PPP1R3E: variants seen among roughly 807,000 people sequenced by gnomAD.
PPP1R3E encodes protein phosphatase 1, regulatory (inhibitor) subunit 3E.
In PPP1R3E, 20 loss-of-function variants were observed where a neutral mutation model predicts 18.5. The observed-to-expected ratio is 1.08, with a 90% CI of 0.76 to 1.58. The LOEUF (loss-of-function observed/expected upper bound fraction) is 1.58, where lower values mean the gene tolerates loss of function less well. Among genes scored for constraint, PPP1R3E ranks in the 40% most tolerant of loss-of-function variants. The pLI, the probability that PPP1R3E is intolerant of heterozygous loss-of-function variation, is 0.00. For missense variants in PPP1R3E, 498 were observed against 460.2 expected (o/e 1.08, Z -0.75); for synonymous variants, 208 against 208.1 (o/e 1.00, Z 0.00).
Position 23,302,482 on chromosome 14 carries a change from G to A in PPP1R3E, c.95C>T (p.Pro32Leu), listed in dbSNP as rs1233248918. Reference sequence around the variant, plus strand: ...CTCCTCCGGCTCCTCCTCGAGGCTGGGCCGCTGGCTACGGTAGTAGGCGCG... The same window carrying A: ...CTCCTCCGGCTCCTCCTCGAGGCTGAGCCGCTGGCTACGGTAGTAGGCGCG... ...TERAYYRSQR[P>L]SLEEEPEEEP... Residue 32 changes from proline to leucine, a missense_variant, in exon 1 of 5, where the codon CCC becomes CTC. By Grantham distance (98) the Pro-to-Leu change is moderately conservative (BLOSUM62 -3). Coordinates refer to ENST00000452015, the MANE Select transcript of PPP1R3E (RefSeq NM_001276318.2). 3.3e-6 allele frequency: 5 copies of A among 1,506,474 alleles called. No homozygotes were observed. The highest frequency in any genetic ancestry group is 4.4e-6 in the Non-Finnish European group (5 of 1,136,388). 93.3% of individuals were successfully genotyped at this position (1,506,474 alleles called of 1,614,324 possible).
At position 23,298,207 on chromosome 14, in the gene PPP1R3E, CCT is replaced by C. The variant is rs1453811187; in HGVS notation, c.*1095_*1096del. On this transcript the variant is annotated 3_prime_UTR_variant, in exon 5 of 5. Coordinates refer to ENST00000452015, the MANE Select transcript of PPP1R3E (RefSeq NM_001276318.2). ...AGTCACAGATGAAGCTCGGGGGCCCCCTGTCTTCTCCAAGCCAGTCCAGGAGA... is the reference window on the plus strand; with the variant it reads ...AGTCACAGATGAAGCTCGGGGGCCCCGTCTTCTCCAAGCCAGTCCAGGAGA... 1 of 152,172 alleles carries C rather than the reference CCT, an allele frequency of 6.6e-6. No homozygotes were observed. The highest frequency in any genetic ancestry group is 1.9e-4 in the East Asian group (1 of 5,200). 9.4% of individuals were successfully genotyped at this position (152,172 alleles called of 1,614,324 possible).
Position 23,301,650 on chromosome 14 carries a change from G to C in PPP1R3E, c.626C>G (p.Ala209Gly), listed in dbSNP as rs1202281015. 16 of 1,318,194 alleles carry C rather than the reference G, an allele frequency of 1.2e-5. No individual in the cohort carries two copies. The East Asian group carries it at 4.4e-4, about 36-fold the overall frequency. 81.7% of individuals were successfully genotyped at this position (1,318,194 alleles called of 1,614,324 possible). Reference protein sequence around the residue: ...RSQREAPAAYAGPAPPPPRAD... With the variant: ...RSQREAPAAYGGPAPPPPRAD... ...GCGCGGCGGGGGCGGGGCCGGACCG[G>C]CGTAGGCGGCTGGCGCCTCGCGTTG... Residue 209 changes from alanine (A) to glycine (G), a missense_variant, in exon 2 of 5, where the codon GCC becomes GGC. Coordinates refer to ENST00000452015, the MANE Select transcript of PPP1R3E (RefSeq NM_001276318.2).
rs915682647 is a variant in PPP1R3E at position 23,302,326 on chromosome 14, G to A, written c.251C>T (p.Thr84Ile). ...GTCGGCGAAACGCACTCTCTTGCGG[G>A]TGTCTGGGCTACGGCTGCGGGGCGC... ...ARAPRSRSPD[T>I]RKRVRFADAL... Residue 84 changes from threonine to isoleucine, a missense_variant, in exon 1 of 5, where the codon ACC becomes ATC. Transcript: ENST00000452015. 1.1e-5 allele frequency: 16 copies of A among 1,513,930 alleles called. No homozygotes were observed. The African/African-American group carries it at 1.4e-4, about 14-fold the overall frequency. The allele number at this position is 1,513,930 out of a possible 1,614,324, so 93.8% of individuals were successfully genotyped here. A position where few individuals can be genotyped will look rare whatever the true frequency, so the allele number is the denominator to read the frequency against.
Position 23,301,831 on chromosome 14 carries a change from T to A in PPP1R3E, c.445A>T (p.Ser149Cys). 6.8e-7 allele frequency: 1 copy of A among 1,469,458 alleles called. No individual in the cohort carries two copies. Among genetic ancestry groups the A allele is most frequent in the Non-Finnish European group, 8.9e-7 (1 of 1,118,946 alleles). 91.0% of individuals were successfully genotyped at this position (1,469,458 alleles called of 1,614,324 possible). A position where few individuals can be genotyped will look rare whatever the true frequency, so the allele number is the denominator to read the frequency against. Reference sequence around the variant, plus strand: ...AAGCGGGCGGCGAAGCCGGGCTCGCTGGCCGGCTCCAGGGCGGCGCGCGCC... The same window carrying A: ...AAGCGGGCGGCGAAGCCGGGCTCGCAGGCCGGCTCCAGGGCGGCGCGCGCC... Reference protein sequence around the residue: ...QEARAALEPASEPGFAARLLT... With the variant: ...QEARAALEPACEPGFAARLLT... The change falls in exon 2 of 5, where the codon AGC becomes TGC. Residue 149 changes from serine to cysteine, a missense_variant. Coordinates refer to ENST00000452015, the MANE Select transcript of PPP1R3E (RefSeq NM_001276318.2).
intron 3 of PPP1R3E, chr14:23,300,446 G>A (rs1886998649): frequency 6.6e-6 from 1 of 152,240 alleles, no homozygotes; most frequent in African/African-American, 2.4e-5. Flanking sequence ...GTTTCCCAAG[G>A]AGAACACTGG....
rs886841327 is a variant in PPP1R3E at position 23,301,598 on chromosome 14, G to T, written c.678C>A (p.Pro226=). The part of the protein sequence containing the change: ...PRADRFAFRL[P]APPIGGALLF... ...GCAGGGCGCCCCCAATCGGCGGCGC[G>T]GGCAGGCGGAAGGCGAAGCGGTCGG... The change falls in exon 2 of 5, where the codon CCC becomes CCA. Residue 226 remains proline, a synonymous_variant. Transcript: ENST00000452015. 6 of 1,438,990 alleles carry T rather than the reference G, an allele frequency of 4.2e-6. No homozygotes were observed. The highest frequency in any genetic ancestry group is 2.9e-5 in the African/African-American group (2 of 68,048). 89.1% of individuals were successfully genotyped at this position (1,438,990 alleles called of 1,614,324 possible). A position where few individuals can be genotyped will look rare whatever the true frequency, so the allele number is the denominator to read the frequency against.
At position 23,298,265 on chromosome 14, in the gene PPP1R3E, G is replaced by C. The variant is rs1886934149; in HGVS notation, c.*1039C>G. 6.6e-6 allele frequency: 1 copy of C among 152,136 alleles called. No individual in the cohort carries two copies. The highest frequency in any genetic ancestry group is 2.4e-5 in the African/African-American group (1 of 41,426). The allele number at this position is 152,136 out of a possible 1,614,324, so 9.4% of individuals were successfully genotyped here. Reference sequence around the variant, plus strand: ...AGGATGGGAAGGCAGAGCACAGTCAGAAACTATGATCATTTCCTAATAAGA... The same window carrying C: ...AGGATGGGAAGGCAGAGCACAGTCACAAACTATGATCATTTCCTAATAAGA... On this transcript the variant is annotated 3_prime_UTR_variant, in exon 5 of 5. Coordinates refer to ENST00000452015, the MANE Select transcript of PPP1R3E (RefSeq NM_001276318.2).
intron 1 of PPP1R3E, 59 bp downstream of exon 1, chr14:23,302,100 CA>C: frequency 7.2e-7 from 1 of 1,379,432 alleles, no homozygotes; most frequent in Non-Finnish European, 9.3e-7. Flanking sequence ...TCCACTCCCA[CA>C]AGCCCGCTGC....
chr14:23,301,831 T>G lies in PPP1R3E; in HGVS notation c.445A>C (p.Ser149Arg). 6.8e-7 allele frequency: 1 copy of G among 1,469,458 alleles called. No homozygotes were observed. 91.0% of individuals were successfully genotyped at this position (1,469,458 alleles called of 1,614,324 possible). The change falls in exon 2 of 5, where the codon AGC (serine) becomes CGC (arginine). Residue 149 changes from serine to arginine, a missense_variant. Physicochemically the swap from Ser to Arg is moderately radical, Grantham distance 110. Transcript: ENST00000452015. ...QEARAALEPA[S>R]EPGFAARLLT... ...AAGCGGGCGGCGAAGCCGGGCTCGC[T>G]GGCCGGCTCCAGGGCGGCGCGCGCC...
intron 1 of PPP1R3E, 115 bp from the exon 2 acceptor site, chr14:23,301,973 C>T (rs920884510): frequency 1.5e-5 from 19 of 1,269,426 alleles, no homozygotes. Flanking sequence ...GCGTCCAGGC[C>T]GGCAGAGTGC....
Position 23,302,619 on chromosome 14 carries a change from G to A in PPP1R3E, c.-43C>T, listed in dbSNP as rs145763963. On this transcript the variant is annotated 5_prime_UTR_variant, in exon 1 of 5. Coordinates refer to ENST00000452015, the MANE Select transcript of PPP1R3E (RefSeq NM_001276318.2). ...CGGGGCCAGCTCGCAGCGCCACCGC[G>A]CTCCCCTCTCTTCCTCTCTCCCGCC... The A allele has an allele frequency of 6.7e-4, 940 of 1,397,912 alleles. 7 individuals carry two copies. The African/African-American group carries it at 0.013, about 19-fold the overall frequency. The allele number at this position is 1,397,912 out of a possible 1,614,324, so 86.6% of individuals were successfully genotyped here. A position where few individuals can be genotyped will look rare whatever the true frequency, so the allele number is the denominator to read the frequency against.
chr14:23,301,223 T>TC (rs1379754318), intron 2 of PPP1R3E, 75 bp downstream of exon 2: 1 of 453,750 alleles, frequency 2.2e-6, no homozygotes, highest in East Asian at 3.6e-5. Context: ...CACCCGGATC[T>TC]CCCGGAGCTT....
chr14:23,302,059 G>T, intron 1 of PPP1R3E, 101 bp downstream of exon 1: 1 of 1,304,590 alleles, frequency 7.7e-7, no homozygotes, highest in Admixed American at 3.5e-5. Flanking sequence ...CAAGCCCAGG[G>T]ATGGGATGGA....
At position 23,297,986 on chromosome 14, in the gene PPP1R3E, G is replaced by A. The variant is rs1291790623; in HGVS notation, c.*1318C>T. On this transcript the variant is annotated 3_prime_UTR_variant, in exon 5 of 5. Coordinates refer to ENST00000452015, the MANE Select transcript of PPP1R3E (RefSeq NM_001276318.2). ...CGGACCCAACCTAGTGGCGACATTA[G>A]GGGGTTTGCCTGTTCAAGGCCAGTG... 6.6e-6 allele frequency: 1 copy of A among 152,252 alleles called. No individual in the cohort carries two copies. 9.4% of individuals were successfully genotyped at this position (152,252 alleles called of 1,614,324 possible).
chr14:23,301,882 G>GAGGGAGCCCAGGGCGGAGA, intron 1 of PPP1R3E, 24 bp from the exon 2 acceptor site: 12 of 1,420,700 alleles, frequency 8.4e-6, no homozygotes, highest in African/African-American at 1.5e-5. Context: ...GAAGCGGGAG[G>GAGGGAGCCCAGGGCGGAGA]AGGGAGCCCA....
At chr14:23,302,016 G>A in intron 1 of PPP1R3E, 144 bp downstream of exon 1, 1 of 1,240,546 alleles carries the variant, frequency 8.1e-7, no homozygotes, top group Non-Finnish European at 1.1e-6. Flanking sequence ...AGAGCCACTC[G>A]CAGATGGGGT....
chr14:23,299,921 G>GTTT (rs1265464684), intron 3 of PPP1R3E, among the ~76,000 whole-genome samples: 47 of 44,464 alleles, frequency 1.1e-3, no homozygotes, highest in African/African-American at 2.9e-3. Context: ...GTGTTTTTTT[G>GTTT]TTTTTGTTTT....
rs1222658513 is a variant in PPP1R3E at position 23,297,559 on chromosome 14, C to T, written c.*1745G>A. The T allele has an allele frequency of 6.6e-6, 1 of 152,188 alleles. No homozygotes were observed. Among genetic ancestry groups the T allele is most frequent in the Non-Finnish European group, 1.5e-5 (1 of 68,054 alleles). 9.4% of individuals were successfully genotyped at this position (152,188 alleles called of 1,614,324 possible). On this transcript the variant is annotated 3_prime_UTR_variant, in exon 5 of 5. Transcript: ENST00000452015. ...AAGCCATCAGGGCAAGGAATCTCTC[C>T]AGAGAGCCGCGAAAGCACCAGGCAC...
At chr14:23,301,158 G>A in intron 2 of PPP1R3E, 140 bp downstream of exon 2, 1 of 368,984 alleles carries the variant, frequency 2.7e-6, no homozygotes, top group East Asian at 3.9e-5. Context: ...GCCGTTTCGG[G>A]TCTCCTTCCT....
Sources: allele counts gnomAD v4.1 joint callset (sites outside exome capture counted in the v4.1 genomes callset), GRCh38; gene constraint gnomAD v4.1.1; transcripts MANE v1.5; gene names NCBI Gene and HGNC (gene_info 2026-07-23, HGNC 2026-07-21).